SHB: variants seen among roughly 807,000 people sequenced by gnomAD.
SHB encodes the protein SH2 domain-containing adapter protein B.
In SHB, 20 loss-of-function variants were observed where a neutral mutation model predicts 52.3. The ratio of observed to expected loss-of-function variants is 0.38; its 90% confidence interval spans 0.27 to 0.56. The LOEUF (loss-of-function observed/expected upper bound fraction) is 0.56. SHB is among the 20% of genes least tolerant of loss of function. SHB has a pLI of 0.71. For missense variants in SHB, 825 were observed against 723.3 expected, an observed-to-expected ratio of 1.14 and a Z score of -1.61; for synonymous variants, 397 against 316.5, an observed-to-expected ratio of 1.25 and a Z score of -2.70.
chr9:38,041,713 A>G (rs1821580345), intron 1 of SHB, among the ~76,000 whole-genome samples: 1 of 152,070 alleles, frequency 6.6e-6, no homozygotes, highest in Admixed American at 6.5e-5. Flanking sequence ...AAGTCGAGGA[A>G]CTGGTTCAGG....
At chr9:37,948,811 G>T in intron 4 of SHB, 57 bp from the exon 5 acceptor site, 1 of 1,605,590 alleles carries the variant, frequency 6.2e-7, no homozygotes. Context: ...CCATGGCCCT[G>T]ACCTGCCTTG....
In SHB at chr9:37,982,975, C is replaced by CCCCA. The variant is rs1554702670; in HGVS notation, c.839-8139_839-8138insTGGG. Among the ~76,000 whole-genome samples the CCCCA allele has an allele frequency of 1.3e-4, 19 of 150,200 alleles. 1 individual carries two copies. Among genetic ancestry groups the CCCCA allele is most frequent in the Admixed American group, 4.0e-4 (6 of 15,140 alleles). On this transcript the variant is annotated intron_variant, in intron 2 of 5. Coordinates refer to ENST00000377707, the MANE Select transcript of SHB (RefSeq NM_003028.3). ...GGAAATCAGCAGGCCTCTCTGGTGC[C>CCCCA]CCCCCCTCCATCTTTTCCAGCTGTG...
At chr9:37,961,710 A>G (rs1362490686) in intron 3 of SHB, among the ~76,000 whole-genome samples, 1 of 152,188 alleles carries the variant, frequency 6.6e-6, no homozygotes, top group Non-Finnish European at 1.5e-5. Context: ...AACCCCAGCT[A>G]TTCTTCAGAG....
chr9:37,921,605 AT>A (rs1554697098), intron 5 of SHB, among the ~76,000 whole-genome samples: 1 of 152,110 alleles, frequency 6.6e-6, no homozygotes, highest in Non-Finnish European at 1.5e-5. Context: ...TTAAATCAAG[AT>A]TTTTTTTAAG....
chr9:38,050,248 T>G (rs1821722473), intron 1 of SHB, among the ~76,000 whole-genome samples: 1 of 152,228 alleles, frequency 6.6e-6, no homozygotes, highest in East Asian at 1.9e-4. Flanking sequence ...AGGGCTCAAG[T>G]AGTCTTTTAT....
intron 5 of SHB, among the ~76,000 whole-genome samples, chr9:37,920,305 C>CAAAACAAAACAA (rs1204935422): frequency 6.8e-6 from 1 of 147,280 alleles, no homozygotes; most frequent in African/African-American, 2.5e-5. Context: ...CAAAACAAAA[C>CAAAACAAAACAA]AAAACAAAAC....
chr9:37,961,902 T>C (rs1832695819), intron 3 of SHB, among the ~76,000 whole-genome samples: 1 of 152,156 alleles, frequency 6.6e-6, no homozygotes, highest in African/African-American at 2.4e-5. Flanking sequence ...TGTGCCTCAG[T>C]CTCCTCGGAG....
At chr9:38,066,028 A>G (rs570285373) in intron 1 of SHB, among the ~76,000 whole-genome samples, 27 of 152,126 alleles carry the variant, frequency 1.8e-4, no homozygotes, top group Non-Finnish European at 3.2e-4. Context: ...AGCACTCATC[A>G]CCATCACGCC....
chr9:37,925,449 C>G (rs1446036466), intron 5 of SHB, among the ~76,000 whole-genome samples: 4 of 152,202 alleles, frequency 2.6e-5, no homozygotes, highest in African/African-American at 9.7e-5. Context: ...AAGTCTCCCC[C>G]AGGGAGGCCA....
At chr9:38,003,664 C>T (rs1263648036) in intron 2 of SHB, among the ~76,000 whole-genome samples, 1 of 152,170 alleles carries the variant, frequency 6.6e-6, no homozygotes, top group Non-Finnish European at 1.5e-5. Context: ...AGCATGGGGC[C>T]GGGCTGCCCC....
At chr9:37,992,964 A>G (rs1171563266) in intron 2 of SHB, among the ~76,000 whole-genome samples, 1 of 152,184 alleles carries the variant, frequency 6.6e-6, no homozygotes, top group African/African-American at 2.4e-5. Context: ...CCCCAACAGC[A>G]GTCAATAGGT....
At chr9:37,938,161 C>T (rs1412280871) in intron 5 of SHB, among the ~76,000 whole-genome samples, 1 of 152,236 alleles carries the variant, frequency 6.6e-6, no homozygotes, top group Non-Finnish European at 1.5e-5. Flanking sequence ...TCTGTGCAGC[C>T]TCTCAGAGTT....
Position 38,052,049 on chromosome 9 carries a change from C to T in SHB, c.717+15880G>A, listed in dbSNP as rs545766015. On this transcript the variant is annotated intron_variant, in intron 1 of 5. Transcript: ENST00000377707. Reference sequence around the variant, plus strand: ...TGCTGTCTTCTGAAGACTTCAACTACGACACCAGCAACTTTACATGGCTTC... The same window carrying T: ...TGCTGTCTTCTGAAGACTTCAACTATGACACCAGCAACTTTACATGGCTTC... 1.1e-4 allele frequency among the ~76,000 whole-genome samples: 16 copies of T among 152,286 alleles called. No homozygotes were observed. In the South Asian group the frequency reaches 2.7e-3, roughly 26 times the overall value.
chr9:38,021,600 G>A (rs187526121), intron 1 of SHB, among the ~76,000 whole-genome samples: 25 of 152,260 alleles, frequency 1.6e-4, no homozygotes, highest in African/African-American at 4.3e-4. Flanking sequence ...CCCAGGAGGC[G>A]GAGGTTGCAG....
At position 37,956,006 on chromosome 9, in the gene SHB, C is replaced by T. The variant is rs373524673; in HGVS notation, c.1103G>A (p.Arg368Gln). ...EKRQSSPSPSRDRRRQLRAPG... is the reference protein window; with the variant it reads ...EKRQSSPSPSQDRRRQLRAPG... The stretch of plus-strand genomic sequence containing the variant: ...GGCACGAAGCTGGCGCCGCCGGTCC[C>T]GCGAAGGTGAGGGGGATGACTGCCG... Residue 368 changes from arginine to glutamine, a missense_variant, in exon 4 of 6, where the codon CGG (arginine) becomes CAG (glutamine). Coordinates refer to ENST00000377707, the MANE Select transcript of SHB (RefSeq NM_003028.3). 115 of 1,589,050 alleles carry T rather than the reference C, an allele frequency of 7.2e-5. No individual in the cohort carries two copies. The highest frequency in any genetic ancestry group is 9.3e-5 in the Non-Finnish European group (109 of 1,168,456).
At chr9:38,031,735 C>A (rs1172959231) in intron 1 of SHB, among the ~76,000 whole-genome samples, 1 of 152,202 alleles carries the variant, frequency 6.6e-6, no homozygotes, top group Non-Finnish European at 1.5e-5. Context: ...ATGAATCGGG[C>A]CCAGAATGGC....
chr9:37,961,955 G>A (rs764555525), intron 3 of SHB, among the ~76,000 whole-genome samples: 9 of 152,212 alleles, frequency 5.9e-5, no homozygotes, highest in Non-Finnish European at 1.3e-4. Context: ...TGAATGGCCC[G>A]TGGCTGAAAC....
chr9:37,950,286 G>A (rs1233619960), intron 4 of SHB, among the ~76,000 whole-genome samples: 1 of 151,240 alleles, frequency 6.6e-6, no homozygotes, highest in Non-Finnish European at 1.5e-5. Context: ...GGTTTTTAGA[G>A]ACAGGTTTTC....
At chr9:37,965,270 A>T (rs372135205) in intron 3 of SHB, among the ~76,000 whole-genome samples, 1 of 152,180 alleles carries the variant, frequency 6.6e-6, no homozygotes, top group Admixed American at 6.5e-5. Flanking sequence ...GCCTGCACCC[A>T]ACCAACACAC....
Sources: allele counts gnomAD v4.1 joint callset (sites outside exome capture counted in the v4.1 genomes callset), GRCh38; gene constraint gnomAD v4.1.1; transcripts MANE v1.5; gene names NCBI Gene and HGNC (gene_info 2026-07-23, HGNC 2026-07-21).